The following PPP3CA variants were observed in gnomAD, a reference collection of about 807,000 sequenced individuals.
PPP3CA encodes the protein CAM-PRP catalytic subunit.
PPP3CA carries 14 observed loss-of-function variants against 66.5 expected under a neutral mutation model. The ratio of observed to expected loss-of-function variants is 0.21; its 90% CI spans 0.14 to 0.33. PPP3CA has a LOEUF of 0.33. Ranked by LOEUF, PPP3CA falls within the 10% of genes least tolerant of loss-of-function variation. PPP3CA has a pLI of 1.00. For missense variants in PPP3CA, 317 were observed against 639.5 expected (o/e 0.50, Z 5.44); for synonymous variants, 232 against 226.2 (o/e 1.03, Z -0.23).
intron 2 of PPP3CA, among the ~76,000 whole-genome samples, chr4:101,140,926 T>G (rs1722788281): frequency 6.6e-6 from 1 of 152,226 alleles, no homozygotes; most frequent in African/African-American, 2.4e-5. Context: ...TGAGCTTAAA[T>G]TATCTATGAG....
chr4:101,186,579 A>AT (rs1251827993), intron 2 of PPP3CA, among the ~76,000 whole-genome samples: 2 of 151,942 alleles, frequency 1.3e-5, no homozygotes, highest in Admixed American at 6.6e-5. Flanking sequence ...CCCATTTTTT[A>AT]TTTTTCATTT....
intron 8 of PPP3CA, among the ~76,000 whole-genome samples, chr4:101,065,576 G>GA (rs1165767199): frequency 6.6e-6 from 1 of 152,086 alleles, no homozygotes; most frequent in Non-Finnish European, 1.5e-5. Context: ...GAGAAATGGA[G>GA]AAACTTGCTC....
At chr4:101,318,874 T>C (rs533044637) in intron 1 of PPP3CA, among the ~76,000 whole-genome samples, 1 of 152,236 alleles carries the variant, frequency 6.6e-6, no homozygotes, top group South Asian at 2.1e-4. Context: ...TATTTAACTT[T>C]GCACAAAAGG....
intron 10 of PPP3CA, among the ~76,000 whole-genome samples, chr4:101,046,132 T>TC (rs1727754196): frequency 6.6e-6 from 1 of 152,072 alleles, no homozygotes. Flanking sequence ...AGTTACATTC[T>TC]CCCCATCTCT....
chr4:101,315,460 G>A (rs891319541), intron 1 of PPP3CA, among the ~76,000 whole-genome samples: 1 of 152,130 alleles, frequency 6.6e-6, no homozygotes, highest in African/African-American at 2.4e-5. Context: ...TCAGATTCAT[G>A]CTCTTTCCCC....
intron 1 of PPP3CA, among the ~76,000 whole-genome samples, chr4:101,319,608 C>T (rs1728979833): frequency 6.6e-6 from 1 of 152,050 alleles, no homozygotes; most frequent in South Asian, 2.1e-4. Flanking sequence ...TCCATAATAG[C>T]AGTTCATTCC....
intron 10 of PPP3CA, among the ~76,000 whole-genome samples, chr4:101,049,627 G>A (rs1028207797): frequency 6.6e-6 from 1 of 151,872 alleles, no homozygotes; most frequent in African/African-American, 2.4e-5. Flanking sequence ...TTGTGCATAC[G>A]TGATAAGTGC....
chr4:101,106,658 G>C (rs1730769771), intron 3 of PPP3CA, among the ~76,000 whole-genome samples: 1 of 152,078 alleles, frequency 6.6e-6, no homozygotes, highest in African/African-American at 2.4e-5. Flanking sequence ...GCAAACTGTG[G>C]CTCAAGGGAT....
At chr4:101,051,874 TA>T (rs1417558682) in intron 10 of PPP3CA, among the ~76,000 whole-genome samples, 4 of 152,096 alleles carry the variant, frequency 2.6e-5, no homozygotes, top group Non-Finnish European at 5.9e-5. Flanking sequence ...AAAAGCTGTA[TA>T]AAATATATAT....
chr4:101,158,436 G>C (rs1409774836), intron 2 of PPP3CA: 3 of 152,198 alleles, frequency 2.0e-5, no homozygotes, highest in African/African-American at 4.8e-5. Context: ...CTTAAGAAGG[G>C]AGCAACTGTT....
At chr4:101,231,351 C>T (rs929484260) in intron 1 of PPP3CA, among the ~76,000 whole-genome samples, 3 of 151,778 alleles carry the variant, frequency 2.0e-5, no homozygotes, top group Non-Finnish European at 4.4e-5. Context: ...ATCTGTAAGT[C>T]AGACTATTTA....
chr4:101,060,685 A>C (rs1226325830), intron 10 of PPP3CA, among the ~76,000 whole-genome samples: 6 of 152,126 alleles, frequency 3.9e-5, no homozygotes, highest in African/African-American at 1.4e-4. Flanking sequence ...ATAAACATCA[A>C]AACTTGAATA....
intron 1 of PPP3CA, among the ~76,000 whole-genome samples, chr4:101,239,384 T>C (rs1206465386): frequency 6.6e-5 from 10 of 152,218 alleles, no homozygotes; most frequent in East Asian, 1.9e-4. Flanking sequence ...AATTGTCTAA[T>C]TGAAAGCAAA....
chr4:101,294,998 G>A (rs1338585572), intron 1 of PPP3CA, among the ~76,000 whole-genome samples: 1 of 152,130 alleles, frequency 6.6e-6, no homozygotes. Context: ...TGGTATACTT[G>A]GTGTGAAAGT....
chr4:101,086,481 A>C (rs1729679692), intron 6 of PPP3CA, among the ~76,000 whole-genome samples: 1 of 152,154 alleles, frequency 6.6e-6, no homozygotes. Flanking sequence ...TTCAACCTTG[A>C]GTTTAATCTC....
At chr4:101,238,057 T>C (rs1031465301) in intron 1 of PPP3CA, among the ~76,000 whole-genome samples, 6 of 152,030 alleles carry the variant, frequency 3.9e-5, no homozygotes, top group African/African-American at 1.4e-4. Context: ...CCAATAAACC[T>C]ACTGCACACA....
At chr4:101,301,571 C>T (rs145831948) in intron 1 of PPP3CA, among the ~76,000 whole-genome samples, 18 of 147,340 alleles carry the variant, frequency 1.2e-4, no homozygotes, top group African/African-American at 3.5e-4. Context: ...CAGCTCACCT[C>T]AACCTCTGCC....
In PPP3CA at chr4:101,183,845, C is replaced by T. The variant is rs141194170; in HGVS notation, c.259+12071G>A. Among the ~76,000 whole-genome samples the T allele has an allele frequency of 1.9e-3, 283 of 152,212 alleles. 5 individuals are homozygous for T. The East Asian group carries it at 0.026, about 14-fold the overall frequency. ...CCACATTCTTGCTTCAATAACTCAT[C>T]GCTCAACCCTACCTGATTCATCATA... On this transcript the variant is annotated intron_variant, in intron 2 of 13. Transcript: ENST00000394854.
chr4:101,149,323 C>T (rs1420318733), intron 2 of PPP3CA, among the ~76,000 whole-genome samples: 3 of 152,096 alleles, frequency 2.0e-5, no homozygotes, highest in African/African-American at 2.4e-5. Context: ...GAAAACATCA[C>T]TTTTAGACAA....
Sources: gnomAD v4.1 joint callset for allele counts (sites outside exome capture counted in the v4.1 genomes callset) on GRCh38, gnomAD v4.1.1 for gene constraint, MANE v1.5 for transcripts, NCBI Gene and HGNC (gene_info 2026-07-23, HGNC 2026-07-21) for gene names.